Variants in SEMA3A observed in about 807,000 individuals in gnomAD.
SEMA3A encodes semaphorin-3A.
Under a neutral mutation model 97.9 loss-of-function variants are expected in SEMA3A, and 29 were observed. The observed-to-expected ratio is 0.30, with a 90% CI of 0.22 to 0.40. The LOEUF is 0.40. Ranked by LOEUF, SEMA3A falls within the 10% of genes least tolerant of loss-of-function variation. The probability of loss-of-function intolerance (pLI) is 1.00; values close to 1 mark genes in which losing one functional copy is unlikely to be tolerated. For missense variants in SEMA3A, 763 were observed against 951.3 expected (o/e 0.80, Z 2.60); for synonymous variants, 321 against 323.7 (o/e 0.99, Z 0.09).
intron 3 of SEMA3A, among the ~76,000 whole-genome samples, chr7:84,260,915 T>C (rs768717557): frequency 1.8e-4 from 27 of 152,194 alleles, no homozygotes; most frequent in Non-Finnish European, 4.0e-4. Context: ...AGACTGTCCA[T>C]TCCAGGTGGA....
chr7:84,308,599 T>C (rs957955977), intron 2 of SEMA3A, among the ~76,000 whole-genome samples: 1 of 152,080 alleles, frequency 6.6e-6, no homozygotes, highest in Admixed American at 6.5e-5. Flanking sequence ...ACAGCTAAAA[T>C]CTTAACAGAA....
At chr7:83,996,252 A>AT (rs1205539912) in intron 12 of SEMA3A, among the ~76,000 whole-genome samples, 2 of 149,862 alleles carry the variant, frequency 1.3e-5, no homozygotes, top group African/African-American at 2.5e-5. Context: ...TTTAAAAGAG[A>AT]TTTTCATTTG....
intron 1 of SEMA3A, among the ~76,000 whole-genome samples, chr7:84,153,132 A>C (rs1022744491): frequency 2.6e-5 from 4 of 152,130 alleles, no homozygotes; most frequent in Non-Finnish European, 5.9e-5. Context: ...CCTTTTGATA[A>C]GCTCTGGAGT....
intron 1 of SEMA3A, among the ~76,000 whole-genome samples, chr7:84,411,783 A>C (rs1212544916): frequency 3.3e-5 from 5 of 152,024 alleles, no homozygotes; most frequent in Non-Finnish European, 7.4e-5. Context: ...GTTTAGATTC[A>C]GGTTTGTTTT....
intron 4 of SEMA3A, among the ~76,000 whole-genome samples, chr7:84,087,876 C>A (rs1032682205): frequency 3.3e-5 from 5 of 152,130 alleles, no homozygotes; most frequent in African/African-American, 1.2e-4. Context: ...TTGTTTTACT[C>A]TTATTCCACT....
intron 1 of SEMA3A, among the ~76,000 whole-genome samples, chr7:84,479,307 T>C (rs1446754388): frequency 6.6e-6 from 1 of 152,194 alleles, no homozygotes; most frequent in African/African-American, 2.4e-5. Flanking sequence ...AAAAAGTCTT[T>C]ATGTCTATCA....
chr7:84,142,974 CCTT>C (rs56896419), intron 1 of SEMA3A, among the ~76,000 whole-genome samples: 14,406 of 152,048 alleles, frequency 0.095, 1,317 homozygotes, highest in African/African-American at 0.24. Flanking sequence ...CAAGCCAGAC[CCTT>C]CTTCATCATT....
chr7:84,038,246 T>C (rs1792012144), intron 6 of SEMA3A, among the ~76,000 whole-genome samples: 1 of 152,074 alleles, frequency 6.6e-6, no homozygotes, highest in Admixed American at 6.6e-5. Flanking sequence ...CTTCATCTGG[T>C]CTTGTTTTCC....
At chr7:84,056,364 T>C (rs555180597) in intron 5 of SEMA3A, among the ~76,000 whole-genome samples, 147 of 152,304 alleles carry the variant, frequency 9.7e-4, no homozygotes, top group African/African-American at 3.2e-3. Flanking sequence ...AGTGAATGTA[T>C]TGGATTACAA....
chr7:84,386,418 G>A (rs141754133), intron 1 of SEMA3A, among the ~76,000 whole-genome samples: 141 of 152,184 alleles, frequency 9.3e-4, no homozygotes, highest in African/African-American at 2.9e-3. Context: ...ACTGAAAAAT[G>A]GTGCCTGAGA....
intron 3 of SEMA3A, among the ~76,000 whole-genome samples, chr7:84,272,880 A>G (rs948135655): frequency 2.6e-5 from 4 of 152,120 alleles, no homozygotes; most frequent in African/African-American, 9.7e-5. Context: ...ATGTAAACGC[A>G]ATTATTTACA....
At chr7:84,143,995 A>ACACACACACACAC (rs1275001617) in intron 1 of SEMA3A, among the ~76,000 whole-genome samples, 2 of 130,992 alleles carry the variant, frequency 1.5e-5, no homozygotes, top group African/African-American at 6.6e-5. Flanking sequence ...ACACACACAC[A>ACACACACACACAC]ATTTATTGTG....
intron 2 of SEMA3A, among the ~76,000 whole-genome samples, chr7:84,332,226 A>T (rs1801925143): frequency 6.6e-6 from 1 of 152,168 alleles, no homozygotes; most frequent in African/African-American, 2.4e-5. Context: ...AATATTACAA[A>T]TAAACCCAAA....
chr7:84,027,859 G>C (rs766254435), intron 6 of SEMA3A, among the ~76,000 whole-genome samples: 1 of 152,142 alleles, frequency 6.6e-6, no homozygotes, highest in Non-Finnish European at 1.5e-5. Flanking sequence ...CCTGGACTTA[G>C]AACAACATAC....
intron 7 of SEMA3A, 28 bp from the exon 8 acceptor site, chr7:84,011,325 C>T: frequency 7.5e-7 from 1 of 1,332,670 alleles, no homozygotes; most frequent in East Asian, 2.3e-5. Context: ...CAGTGTTAGG[C>T]ACTGTTAATG....
chr7:84,269,319 A>T (rs1199324090), intron 3 of SEMA3A, among the ~76,000 whole-genome samples: 1 of 152,142 alleles, frequency 6.6e-6, no homozygotes, highest in Non-Finnish European at 1.5e-5. Context: ...AAAAATGTGA[A>T]ACATGGCTTT....
chr7:84,330,737 C>A (rs1302044953), intron 2 of SEMA3A, among the ~76,000 whole-genome samples: 1 of 151,792 alleles, frequency 6.6e-6, no homozygotes, highest in South Asian at 2.1e-4. Context: ...TTTTAGAATA[C>A]TACAAGCACT....
chr7:84,178,956 C>A (rs1203220216), intron 1 of SEMA3A, among the ~76,000 whole-genome samples: 1 of 152,106 alleles, frequency 6.6e-6, no homozygotes, highest in South Asian at 2.1e-4. Flanking sequence ...TCCCACCCCT[C>A]CATGCCTGCC....
At chr7:84,366,993 A>G (rs1198754261) in intron 2 of SEMA3A, among the ~76,000 whole-genome samples, 1 of 151,284 alleles carries the variant, frequency 6.6e-6, no homozygotes. Flanking sequence ...CTTAAAAAAA[A>G]AAAACCTTAA....
Sources: gnomAD v4.1 joint callset for allele counts (sites outside exome capture counted in the v4.1 genomes callset) on GRCh38, gnomAD v4.1.1 for gene constraint, MANE v1.5 for transcripts, NCBI Gene and HGNC (gene_info 2026-07-23, HGNC 2026-07-21) for gene names.